The following OTOA variants were observed in gnomAD, a reference collection of about 807,000 sequenced individuals.
OTOA encodes otoancorin.
OTOA carries 70 observed loss-of-function variants against 110.8 expected under a neutral mutation model. That is an observed-to-expected ratio of 0.63 (90% CI 0.52 to 0.77). The LOEUF is 0.77. Ranked by LOEUF, OTOA falls within the 30% of genes least tolerant of loss-of-function variation. The pLI, the probability that OTOA is intolerant of heterozygous loss-of-function variation, is 0.00. For missense variants in OTOA, 917 were observed against 1,075.8 expected (o/e 0.85, Z 2.06); for synonymous variants, 373 against 431.5 (o/e 0.86, Z 1.68).
At position 21,709,892 on chromosome 16, in the gene OTOA, A is replaced by G. The variant is rs727505354; in HGVS notation, c.1109A>G (p.Lys370Arg). 13 of 1,613,198 alleles carry G rather than the reference A, an allele frequency of 8.1e-6. No homozygotes were observed. The highest frequency in any genetic ancestry group is 4.4e-5 in the South Asian group (4 of 91,046). The change falls in exon 13 of 29, where the codon AAA (lysine) becomes AGA (arginine). Residue 370 changes from lysine to arginine, a missense_variant. Physicochemically the swap from Lys to Arg is conservative, Grantham distance 26. This residue lies in a region of OTOA where 840 missense variants were observed against 910.2 expected (regional missense o/e 0.92). Transcript: ENST00000646100. The stretch of plus-strand genomic sequence containing the variant: ...TCCAGTTTGCTCTCCTTCCAGCTCA[A>G]AGCAGAACTCCTGGACATTGCCATG... ...RGFQAGVQKL[K>R]AELLDIAMEN...
intron 9 of OTOA, among the ~76,000 whole-genome samples, chr16:21,695,286 T>C (rs1350667207): frequency 6.9e-6 from 1 of 144,960 alleles, no homozygotes; most frequent in African/African-American, 2.5e-5. Flanking sequence ...GTGCCTGTAG[T>C]CCTAGCTACT....
At chr16:21,674,952 G>A (rs1012700929) in intron 1 of OTOA, among the ~76,000 whole-genome samples, 7 of 111,832 alleles carry the variant, frequency 6.3e-5, no homozygotes, top group African/African-American at 2.6e-4. Flanking sequence ...GCCTTGGCGT[G>A]GCTTTATTCA....
chr16:21,708,648 C>G (rs972570767), intron 12 of OTOA, among the ~76,000 whole-genome samples: 5 of 152,116 alleles, frequency 3.3e-5, no homozygotes, highest in African/African-American at 4.8e-5. Context: ...AGGCAGTTGC[C>G]GAACTTAGAG....
chr16:21,682,232 G>T (rs1221378597), intron 6 of OTOA, among the ~76,000 whole-genome samples: 2 of 152,202 alleles, frequency 1.3e-5, no homozygotes, highest in African/African-American at 4.8e-5. Context: ...GGGAGTTATT[G>T]CCCATGTGGT....
At chr16:21,676,261 C>T (rs1224856150) in intron 1 of OTOA, among the ~76,000 whole-genome samples, 1 of 152,100 alleles carries the variant, frequency 6.6e-6, no homozygotes, top group Non-Finnish European at 1.5e-5. Context: ...TCGGATTTTA[C>T]ATTGCTGGAT....
intron 21 of OTOA, among the ~76,000 whole-genome samples, chr16:21,734,344 G>A (rs1485527204): frequency 1.0e-4 from 15 of 149,388 alleles, no homozygotes. Flanking sequence ...CACATAGAAT[G>A]GAACAGCAGA....
At chr16:21,670,816 G>T (rs957717037) in intron 1 of OTOA, among the ~76,000 whole-genome samples, 1 of 152,204 alleles carries the variant, frequency 6.6e-6, no homozygotes, top group Non-Finnish European at 1.5e-5. Flanking sequence ...AGAATTCAGG[G>T]AAGGCTTCAT....
intron 13 of OTOA, among the ~76,000 whole-genome samples, chr16:21,713,421 C>T (rs999534469): frequency 1.3e-5 from 2 of 152,118 alleles, no homozygotes; most frequent in South Asian, 2.1e-4. Context: ...GCTGCAGCTC[C>T]GAGGGCTGGT....
At chr16:21,708,932 C>T (rs2141687205) in intron 12 of OTOA, among the ~76,000 whole-genome samples, 1 of 152,152 alleles carries the variant, frequency 6.6e-6, no homozygotes, top group Admixed American at 6.6e-5. Flanking sequence ...TTAAAATGAT[C>T]ATAGAAATGT....
chr16:21,702,747 C>T (rs1414027211), intron 11 of OTOA, among the ~76,000 whole-genome samples: 2 of 152,132 alleles, frequency 1.3e-5, no homozygotes, highest in African/African-American at 4.8e-5. Flanking sequence ...ACAATCTCGG[C>T]TTACTGCAAC....
intron 1 of OTOA, among the ~76,000 whole-genome samples, chr16:21,676,783 C>T (rs1385094955): frequency 6.6e-6 from 1 of 152,166 alleles, no homozygotes; most frequent in Non-Finnish European, 1.5e-5. Context: ...GTCTCTTCTG[C>T]TCAGTGAGAC....
chr16:21,736,488 G>C, intron 22 of OTOA, 98 bp downstream of exon 22: 1 of 1,349,744 alleles, frequency 7.4e-7, no homozygotes, highest in Non-Finnish European at 1.1e-6. Context: ...CAGGGAACTG[G>C]ATGAAATGTC....
At chr16:21,693,998 C>T (rs968669585) in intron 9 of OTOA, among the ~76,000 whole-genome samples, 3 of 152,190 alleles carry the variant, frequency 2.0e-5, no homozygotes, top group Non-Finnish European at 2.9e-5. Flanking sequence ...TCAGCTCTGA[C>T]ACTGCAGCTT....
chr16:21,722,945 T>G lies in OTOA; in HGVS notation c.1847T>G (p.Leu616Trp). ...TGGAAATACTGGGAAGTTTCCAGAT[T>G]GTCTATGCCACCTTTCCTCTTGGCT... ...LAWKYWEVSR[L>W]SMPPFLLAAL... The change falls in exon 18 of 29, where the codon TTG becomes TGG. Residue 616 changes from leucine to tryptophan, a missense_variant. Physicochemically the swap from Leu to Trp is moderately conservative, Grantham distance 61 (BLOSUM62 -2). Transcript: ENST00000646100. The G allele has an allele frequency of 6.2e-7, 1 of 1,614,188 alleles. No homozygotes were observed.
intron 5 of OTOA, among the ~76,000 whole-genome samples, chr16:21,679,832 G>C (rs1966875178): frequency 6.6e-6 from 1 of 152,108 alleles, no homozygotes; most frequent in Admixed American, 6.6e-5. Flanking sequence ...TGCACACAAT[G>C]GTGAAACTGA....
chr16:21,714,892 C>A, intron 13 of OTOA, 93 bp from the exon 14 acceptor site: 1 of 1,534,058 alleles, frequency 6.5e-7, no homozygotes, highest in Non-Finnish European at 9.0e-7. Context: ...AGGTGTCACC[C>A]ATCCCTATAC....
Position 21,722,891 on chromosome 16 carries a change from G to A in OTOA, c.1807-14G>A, listed in dbSNP as rs774228353. The A allele has an allele frequency of 1.2e-6, 2 of 1,612,012 alleles. No individual in the cohort carries two copies. Among genetic ancestry groups the A allele is most frequent in the East Asian group, 2.2e-5 (1 of 44,860 alleles). On this transcript the variant is annotated splice_polypyrimidine_tract_variant and intron_variant, in intron 17 of 28. Coordinates refer to ENST00000646100, the MANE Select transcript of OTOA (RefSeq NM_144672.4). ...CTTACTGCATTAAATCCCCAGAACT[G>A]CTTAATCTTTCAGGTTAATTGTTTG...
At chr16:21,715,280 G>A in intron 14 of OTOA, 128 bp downstream of exon 14, 1 of 1,271,550 alleles carries the variant, frequency 7.9e-7, no homozygotes, top group Non-Finnish European at 1.1e-6. Flanking sequence ...TGTCTGGGGT[G>A]GCTCTGCCTT....
At chr16:21,666,102 A>T (rs1983524) in intron 1 of OTOA, among the ~76,000 whole-genome samples, 3 of 151,828 alleles carry the variant, frequency 2.0e-5, no homozygotes. Context: ...GGGTTACAGG[A>T]GTGAGCCACA....
Sources: gnomAD v4.1 joint callset for allele counts (sites outside exome capture counted in the v4.1 genomes callset) on GRCh38, gnomAD v4.1.1 for gene constraint, gnomAD v4.1.1 regional missense constraint, MANE v1.5 for transcripts, NCBI Gene and HGNC (gene_info 2026-07-23, HGNC 2026-07-21) for gene names.